Variants in PIAS1 observed in about 807,000 individuals in gnomAD.
The protein encoded by PIAS1 is E3 SUMO-protein ligase PIAS1.
PIAS1 carries 6 observed loss-of-function variants against 71.3 expected under a neutral mutation model. The ratio of observed to expected loss-of-function variants is 0.08; its 90% CI spans 0.05 to 0.17. PIAS1 has a LOEUF of 0.17. Among genes scored for constraint, PIAS1 ranks in the 10% least tolerant of loss-of-function variants. The pLI is 1.00. For missense variants in PIAS1, 555 were observed against 793.6 expected (o/e 0.70, Z 3.61); for synonymous variants, 303 against 292.9 (o/e 1.03, Z -0.35).
intron 2 of PIAS1, among the ~76,000 whole-genome samples, chr15:68,092,235 A>T (rs1034816780): frequency 6.6e-6 from 1 of 151,570 alleles, no homozygotes; most frequent in Non-Finnish European, 1.5e-5. Context: ...GTGCAGTGGC[A>T]CATTCTTGGC....
At chr15:68,112,340 G>A (rs1162500490) in intron 2 of PIAS1, among the ~76,000 whole-genome samples, 1 of 152,026 alleles carries the variant, frequency 6.6e-6, no homozygotes, top group African/African-American at 2.4e-5. Flanking sequence ...TTTCCCTCCA[G>A]CTACATCCCT....
chr15:68,090,178 C>T (rs2092321321), intron 2 of PIAS1, among the ~76,000 whole-genome samples: 2 of 151,910 alleles, frequency 1.3e-5, no homozygotes, highest in Admixed American at 1.3e-4. Flanking sequence ...CCACACCCAA[C>T]TTAAATTGTA....
At chr15:68,149,771 C>T (rs1194021961) in intron 6 of PIAS1, among the ~76,000 whole-genome samples, 1 of 151,902 alleles carries the variant, frequency 6.6e-6, no homozygotes, top group Non-Finnish European at 1.5e-5. Flanking sequence ...TCTATGTTGA[C>T]AGTTTTGAGT....
chr15:68,162,913 A>G (rs921882808), intron 7 of PIAS1, among the ~76,000 whole-genome samples: 2 of 152,084 alleles, frequency 1.3e-5, no homozygotes, highest in African/African-American at 4.8e-5. Flanking sequence ...AAGTGAATTT[A>G]TTTTCCTTTC....
intron 12 of PIAS1, among the ~76,000 whole-genome samples, chr15:68,182,876 A>G (rs988555660): frequency 2.6e-5 from 4 of 152,204 alleles, no homozygotes; most frequent in Non-Finnish European, 4.4e-5. Flanking sequence ...TGCCCAGAGT[A>G]TCTGTGGTGT....
intron 2 of PIAS1, among the ~76,000 whole-genome samples, chr15:68,115,782 T>G (rs926285670): frequency 3.3e-5 from 5 of 152,170 alleles, no homozygotes; most frequent in African/African-American, 1.2e-4. Context: ...GTTTTCCTCA[T>G]CTATTGAGCT....
intron 2 of PIAS1, among the ~76,000 whole-genome samples, chr15:68,104,901 C>A (rs779130202): frequency 6.6e-6 from 1 of 152,082 alleles, no homozygotes; most frequent in Non-Finnish European, 1.5e-5. Context: ...TTAATAGGTA[C>A]AATAATTAAA....
chr15:68,155,709 A>T (rs752688719), intron 7 of PIAS1, among the ~76,000 whole-genome samples: 31 of 152,222 alleles, frequency 2.0e-4, no homozygotes, highest in Admixed American at 3.9e-4. Context: ...CATTCTCTGA[A>T]TCATTTGATT....
rs1222694561 is a variant in PIAS1 at position 68,174,921 on chromosome 15, A to G, written c.1170-716A>G. 6.6e-6 allele frequency among the ~76,000 whole-genome samples: 1 copy of G among 152,202 alleles called. No homozygotes were observed. Among genetic ancestry groups the G allele is most frequent in the East Asian group, 1.9e-4 (1 of 5,202 alleles). ...GATCACTTACTAGTAAATCAGAATT[A>G]AATAGTGATATTTTCCAACTTTATA... On this transcript the variant is annotated intron_variant, in intron 9 of 13. Transcript: ENST00000249636. The surrounding 1 kb of genome is among the most constrained non-coding windows in gnomAD (Gnocchi z 4.0).
chr15:68,055,989 T>C, intron 1 of PIAS1: 1 of 685,846 alleles, frequency 1.5e-6, no homozygotes, highest in Non-Finnish European at 2.7e-6. Flanking sequence ...AGATTTACAA[T>C]GGATGGTTTT....
intron 2 of PIAS1, among the ~76,000 whole-genome samples, chr15:68,127,958 T>TTTCA (rs2092663192): frequency 1.3e-5 from 2 of 151,852 alleles, no homozygotes; most frequent in African/African-American, 4.8e-5. Context: ...AGAGATGGGG[T>TTTCA]TTCACCATGT....
intron 2 of PIAS1, among the ~76,000 whole-genome samples, chr15:68,098,868 C>G (rs553996796): frequency 4.1e-4 from 62 of 152,206 alleles, no homozygotes; most frequent in African/African-American, 1.3e-3. Context: ...ATGCACTTGT[C>G]TAAATATAGC....
At chr15:68,083,230 A>G (rs1256303347) in intron 1 of PIAS1, among the ~76,000 whole-genome samples, 2 of 152,168 alleles carry the variant, frequency 1.3e-5, no homozygotes. Context: ...GTTAGTGTTT[A>G]GTTTTCCTCA....
At chr15:68,138,331 C>G (rs183010630) in intron 2 of PIAS1, among the ~76,000 whole-genome samples, 193 of 152,192 alleles carry the variant, frequency 1.3e-3, no homozygotes, top group African/African-American at 4.4e-3. Context: ...ACTACCACTC[C>G]TATTTCATTG....
intron 4 of PIAS1, among the ~76,000 whole-genome samples, chr15:68,143,468 A>C (rs2092786306): frequency 6.6e-6 from 1 of 152,084 alleles, no homozygotes; most frequent in East Asian, 1.9e-4. Context: ...ATACTTAATA[A>C]CTTTTATACC....
intron 8 of PIAS1, among the ~76,000 whole-genome samples, chr15:68,168,191 T>C (rs919172022): frequency 1.3e-4 from 19 of 151,938 alleles, no homozygotes; most frequent in African/African-American, 4.1e-4. Context: ...GTATTTTCAG[T>C]GGAGATGAGG....
intron 10 of PIAS1, 56 bp from the exon 11 acceptor site, chr15:68,176,418 A>C (rs1595791338): frequency 8.4e-7 from 1 of 1,191,426 alleles, no homozygotes; most frequent in Admixed American, 2.6e-5. Context: ...TGACACTGAG[A>C]AAAGAGAGAT....
chr15:68,141,875 T>TG (rs2092772695), intron 2 of PIAS1, 71 bp from the exon 3 acceptor site: 21 of 621,544 alleles, frequency 3.4e-5, no homozygotes, highest in Middle Eastern at 3.1e-4. Flanking sequence ...ACATGTGTGT[T>TG]TTTTTTTTTT....
In PIAS1 at chr15:68,141,666, A is replaced by G. The variant is rs140375175; in HGVS notation, c.470-280A>G. On this transcript the variant is annotated intron_variant, in intron 2 of 13. Coordinates refer to ENST00000249636, the MANE Select transcript of PIAS1 (RefSeq NM_016166.3). The stretch of plus-strand genomic sequence containing the variant: ...ACAAGTGTGCTCTTTAGATGCAAAC[A>G]TTTATATGATTAGATAAATTTTCCT... 2.6e-4 allele frequency among the ~76,000 whole-genome samples: 40 copies of G among 152,286 alleles called. 1 individual carries two copies. The East Asian group carries it at 3.1e-3, about 12-fold the overall frequency.
Sources: gnomAD v4.1 joint callset for allele counts (sites outside exome capture counted in the v4.1 genomes callset) on GRCh38, gnomAD v4.1.1 for gene constraint, Gnocchi (gnomAD v3.1) non-coding constraint, MANE v1.5 for transcripts, NCBI Gene and HGNC (gene_info 2026-07-23, HGNC 2026-07-21) for gene names.